TENM2: variants seen among roughly 807,000 people sequenced by gnomAD.
The protein encoded by TENM2 is teneurin transmembrane protein 2, also known as teneurin-2.
TENM2 carries 52 observed loss-of-function variants against 245.2 expected under a neutral mutation model. The observed-to-expected ratio is 0.21, with a 90% confidence interval of 0.17 to 0.27. The LOEUF (loss-of-function observed/expected upper bound fraction) is 0.27. Among genes scored for constraint, TENM2 ranks in the 10% least tolerant of loss-of-function variants. TENM2 has a pLI of 1.00. For synonymous variants in TENM2, 1,363 were observed against 1,438.9 expected (o/e 0.95, Z 1.19); for missense variants, 3,046 against 3,666.8 (o/e 0.83, Z 4.37).
chr5:167,631,295 G>A (rs941038520), intron 2 of TENM2, among the ~76,000 whole-genome samples: 12 of 152,154 alleles, frequency 7.9e-5, no homozygotes, highest in African/African-American at 1.4e-4. Context: ...GCTATTTCAC[G>A]GCAGATGGTC....
rs1218053844 is a variant in TENM2, at chr5:167,871,331, C to T, written c.503-4655C>T. ...TTTCCTGCCAAATCCAGGGCTTCCT[C>T]ACAGTCCTTCTCAACACAGCATTCC... On this transcript the variant is annotated intron_variant, in intron 2 of 28. Transcript: ENST00000518659. Among the ~76,000 whole-genome samples the T allele has an allele frequency of 2.6e-5, 4 of 152,112 alleles. No homozygotes were observed. In the East Asian group the frequency reaches 7.7e-4, roughly 29 times the overall value.
chr5:167,159,847 C>T, the TENM2 span, among the ~76,000 whole-genome samples: 1 of 152,144 alleles, frequency 6.6e-6, no homozygotes, highest in Non-Finnish European at 1.5e-5. Flanking sequence ...CCCGCTCCCA[C>T]TTGTCATTGG....
At chr5:168,075,557 C>T (rs1791393937) in intron 7 of TENM2, among the ~76,000 whole-genome samples, 1 of 152,188 alleles carries the variant, frequency 6.6e-6, no homozygotes, top group Admixed American at 6.5e-5. Flanking sequence ...CAAGCAACCA[C>T]TGATCTGCTT....
At chr5:167,166,886 C>T in the TENM2 span, among the ~76,000 whole-genome samples, 1 of 152,136 alleles carries the variant, frequency 6.6e-6, no homozygotes, top group Non-Finnish European at 1.5e-5. Flanking sequence ...TCAAACCTAC[C>T]TTGGGTGGTC....
intron 2 of TENM2, among the ~76,000 whole-genome samples, chr5:167,403,140 TGTGTAA>T (rs919837225): frequency 6.6e-6 from 1 of 150,858 alleles, no homozygotes; most frequent in African/African-American, 2.5e-5. Flanking sequence ...TGAGTGTGTG[TGTGTAA>T]GTGTGTGTGA....
the TENM2 span, among the ~76,000 whole-genome samples, chr5:167,048,247 T>A: frequency 2.2e-4 from 33 of 152,208 alleles, no homozygotes; most frequent in African/African-American, 7.7e-4. Context: ...CAGCCCATTT[T>A]TATGAGCTAA....
chr5:167,124,003 T>C, the TENM2 span, among the ~76,000 whole-genome samples: 21 of 152,318 alleles, frequency 1.4e-4, no homozygotes, highest in Middle Eastern at 0.014. Flanking sequence ...TCAATCAATA[T>C]AAATATGCAT....
the TENM2 span, among the ~76,000 whole-genome samples, chr5:167,269,760 A>G: frequency 6.6e-6 from 1 of 152,040 alleles, no homozygotes; most frequent in Non-Finnish European, 1.5e-5. Context: ...TCTTCCCCAC[A>G]AGATCTGTAA....
At chr5:168,188,564 G>A (rs888489900) in intron 13 of TENM2, among the ~76,000 whole-genome samples, 3 of 152,154 alleles carry the variant, frequency 2.0e-5, no homozygotes, top group Admixed American at 1.3e-4. Flanking sequence ...TTGAGTGCCC[G>A]ATTCTGTGCT....
chr5:167,169,842 T>C, the TENM2 span, among the ~76,000 whole-genome samples: 1 of 152,244 alleles, frequency 6.6e-6, no homozygotes. Context: ...AGTTGTTCTT[T>C]TGTAGGAATG....
At chr5:167,651,240 C>A (rs2150288340) in intron 2 of TENM2, among the ~76,000 whole-genome samples, 1 of 152,036 alleles carries the variant, frequency 6.6e-6, no homozygotes, top group Non-Finnish European at 1.5e-5. Flanking sequence ...ACTGTAAGAA[C>A]AAAGTGTAAG....
chr5:167,641,223 A>G (rs1285906856), intron 2 of TENM2, among the ~76,000 whole-genome samples: 1 of 152,066 alleles, frequency 6.6e-6, no homozygotes, highest in Non-Finnish European at 1.5e-5. Context: ...CTGCCTCAAA[A>G]TCTAAAAAAT....
At chr5:167,016,529 T>G in the TENM2 span, among the ~76,000 whole-genome samples, 4 of 152,328 alleles carry the variant, frequency 2.6e-5, no homozygotes, top group South Asian at 8.3e-4. Context: ...TCTCCTGTCT[T>G]AACTTTTGTG....
intron 2 of TENM2, among the ~76,000 whole-genome samples, chr5:167,737,951 T>C (rs1319933206): frequency 6.6e-6 from 1 of 152,220 alleles, no homozygotes; most frequent in Non-Finnish European, 1.5e-5. Context: ...TCCCTATCAC[T>C]CTGAGGTCAA....
chr5:167,553,508 A>T (rs1395660660), intron 2 of TENM2, among the ~76,000 whole-genome samples: 1 of 152,222 alleles, frequency 6.6e-6, no homozygotes, highest in Non-Finnish European at 1.5e-5. Context: ...GGGTAATGAG[A>T]CAAGGAGATG....
the TENM2 span, among the ~76,000 whole-genome samples, chr5:167,187,308 A>G: frequency 6.6e-6 from 1 of 152,194 alleles, no homozygotes; most frequent in Non-Finnish European, 1.5e-5. Context: ...GAAGACAGGG[A>G]ATGGATAATG....
At chr5:167,743,078 C>A (rs1761303796) in intron 2 of TENM2, among the ~76,000 whole-genome samples, 1 of 152,156 alleles carries the variant, frequency 6.6e-6, no homozygotes, top group African/African-American at 2.4e-5. Flanking sequence ...CCTCTCAACA[C>A]CGAACAAAAC....
chr5:167,738,902 C>G (rs750812023), intron 2 of TENM2, among the ~76,000 whole-genome samples: 2 of 152,148 alleles, frequency 1.3e-5, no homozygotes, highest in African/African-American at 2.4e-5. Context: ...CTTTAAATGC[C>G]CTATCTCCAC....
At chr5:168,100,914 C>G (rs1581302892) in intron 9 of TENM2, among the ~76,000 whole-genome samples, 2 of 125,958 alleles carry the variant, frequency 1.6e-5, no homozygotes, top group African/African-American at 6.4e-5. Flanking sequence ...TCCAAAACTT[C>G]AAGTATAATT....
Sources: gnomAD v4.1 joint callset for allele counts (sites outside exome capture counted in the v4.1 genomes callset) on GRCh38, gnomAD v4.1.1 for gene constraint, MANE v1.5 for transcripts, NCBI Gene and HGNC (gene_info 2026-07-23, HGNC 2026-07-21) for gene names.